The following PLD1 variants were observed in gnomAD, a reference collection of about 807,000 sequenced individuals.
PLD1 encodes choline phosphatase 1.
Under a neutral mutation model 137.1 loss-of-function variants are expected in PLD1, and 112 were observed. The ratio of observed to expected loss-of-function variants is 0.82; its 90% CI spans 0.70 to 0.96. The LOEUF (loss-of-function observed/expected upper bound fraction) is 0.96. PLD1 is among the 40% of genes least tolerant of loss of function. PLD1 has a pLI of 0.00. For missense variants in PLD1, 1,321 were observed against 1,342.0 expected, an observed-to-expected ratio of 0.98 and a Z score of 0.24; for synonymous variants, 431 against 454.7, an observed-to-expected ratio of 0.95 and a Z score of 0.66.
At chr3:171,740,078 T>G (rs527311903) in intron 1 of PLD1, among the ~76,000 whole-genome samples, 26 of 152,292 alleles carry the variant, frequency 1.7e-4, no homozygotes, top group African/African-American at 6.3e-4. Flanking sequence ...TTGAGCCATT[T>G]CATCTCTAGA....
At chr3:171,627,914 A>T (rs1734277212) in intron 23 of PLD1, among the ~76,000 whole-genome samples, 5 of 151,468 alleles carry the variant, frequency 3.3e-5, no homozygotes, top group Admixed American at 1.3e-4. Flanking sequence ...AGCAGGAAAG[A>T]TCCAAAATTG....
At chr3:171,727,324 A>G (rs930539204) in intron 6 of PLD1, among the ~76,000 whole-genome samples, 1 of 152,210 alleles carries the variant, frequency 6.6e-6, no homozygotes, top group African/African-American at 2.4e-5. Context: ...AGCGCCCTCA[A>G]AACCAAGCTG....
At chr3:171,753,114 C>A (rs1720776808) in intron 1 of PLD1, among the ~76,000 whole-genome samples, 1 of 152,186 alleles carries the variant, frequency 6.6e-6, no homozygotes, top group African/African-American at 2.4e-5. Flanking sequence ...GAAAGACAAC[C>A]AGATGGGCTG....
chr3:171,690,135 C>T (rs1180904555), intron 13 of PLD1, among the ~76,000 whole-genome samples: 3 of 152,114 alleles, frequency 2.0e-5, no homozygotes, highest in Admixed American at 6.6e-5. Flanking sequence ...GGAACTTGTA[C>T]ATTTCCTCTA....
intron 1 of PLD1, among the ~76,000 whole-genome samples, chr3:171,767,323 A>G (rs919027790): frequency 1.1e-4 from 17 of 152,298 alleles, no homozygotes; most frequent in Middle Eastern, 3.4e-3. Context: ...GGTTCTTGCC[A>G]CTGGTCACGA....
Position 171,612,484 on chromosome 3 carries a change from G to A in PLD1, c.2729-52C>T. 1 of 1,544,200 alleles carries A rather than the reference G, an allele frequency of 6.5e-7. No individual in the cohort carries two copies. Among genetic ancestry groups the A allele is most frequent in the Non-Finnish European group, 8.9e-7 (1 of 1,118,750 alleles). On this transcript the variant is annotated intron_variant, in intron 24 of 26. Coordinates refer to ENST00000351298, the MANE Select transcript of PLD1 (RefSeq NM_002662.5). The surrounding 1 kb of genome is among the most constrained non-coding windows in gnomAD (Gnocchi z 4.1). ...CAACCTTCCTGTTGTGGCAGACACT[G>A]TTGGTTGCCCTCCCAACTCAATTCA...
chr3:171,646,675 C>CAAAAAAAAAAAAAAA (rs77696811), intron 21 of PLD1, among the ~76,000 whole-genome samples: 6 of 89,474 alleles, frequency 6.7e-5, no homozygotes, highest in East Asian at 3.7e-4. Context: ...AAAGAACAGA[C>CAAAAAAAAAAAAAAA]AAAAAAAAAA....
chr3:171,796,146 G>C (rs900643135), intron 1 of PLD1, among the ~76,000 whole-genome samples: 1 of 152,152 alleles, frequency 6.6e-6, no homozygotes, highest in African/African-American at 2.4e-5. Context: ...AAGTATTTAC[G>C]ATGAGTGCAG....
In PLD1 at chr3:171,749,477, G is replaced by T. The variant is rs573828660; in HGVS notation, c.-31-11395C>A. 2.1e-3 allele frequency among the ~76,000 whole-genome samples: 317 copies of T among 152,248 alleles called. 1 individual carries two copies. The highest frequency in any genetic ancestry group is 7.4e-3 in the African/African-American group (306 of 41,518). The stretch of plus-strand genomic sequence containing the variant: ...GTGGTTAACTACAAAATGAAAAACT[G>T]TACATAAAAATTATCCAAGATCACA... On this transcript the variant is annotated intron_variant, in intron 1 of 26. Transcript: ENST00000351298.
At chr3:171,631,141 T>C (rs7620874) in intron 23 of PLD1, among the ~76,000 whole-genome samples, 75,922 of 151,994 alleles carry the variant, frequency 0.5, 19,815 homozygotes, top group African/African-American at 0.65. Flanking sequence ...AAGTTAACAA[T>C]GTAATCAAAC....
rs188156476 is a variant in PLD1 at position 171,769,624 on chromosome 3, G to A, written c.-31-31542C>T. 2.8e-3 allele frequency among the ~76,000 whole-genome samples: 421 copies of A among 152,278 alleles called. 3 individuals carry two copies. The highest frequency in any genetic ancestry group is 9.7e-3 in the African/African-American group (405 of 41,560). On this transcript the variant is annotated intron_variant, in intron 1 of 26. Transcript: ENST00000351298. ...AACACAGCTGTACAATTGTGCCTTA[G>A]GGGGTATAAAATACAGTCCACTTTG... is the stretch of plus-strand genomic sequence containing the variant.
At chr3:171,735,014 C>G in intron 4 of PLD1, 44 bp from the exon 5 acceptor site, 6 of 1,081,162 alleles carry the variant, frequency 5.5e-6, no homozygotes, top group Non-Finnish European at 8.5e-6. Flanking sequence ...CTAGATTATT[C>G]TGTGACTATG....
chr3:171,620,601 C>A, intron 23 of PLD1, 81 bp from the exon 24 acceptor site: 1 of 789,554 alleles, frequency 1.3e-6, no homozygotes, highest in Admixed American at 2.0e-5. Context: ...TTTCTCAAAA[C>A]ATACTACTTA....
intron 11 of PLD1, among the ~76,000 whole-genome samples, chr3:171,705,663 C>A (rs959123110): frequency 1.3e-4 from 20 of 152,162 alleles, no homozygotes; most frequent in Admixed American, 1.1e-3. Context: ...TAATAAAACA[C>A]TACTGTATAC....
At chr3:171,786,586 T>C (rs1006536321) in intron 1 of PLD1, among the ~76,000 whole-genome samples, 6 of 152,236 alleles carry the variant, frequency 3.9e-5, no homozygotes, top group African/African-American at 1.4e-4. Context: ...ATTTTTATCA[T>C]AATTGAATAC....
chr3:171,688,634 A>G, intron 14 of PLD1, 42 bp downstream of exon 14: 1 of 1,403,260 alleles, frequency 7.1e-7, no homozygotes, highest in Non-Finnish European at 1.0e-6. Context: ...TATACAAATT[A>G]TGTTCGTGTT....
At chr3:171,620,770 T>TATATATA (rs1560151152) in intron 23 of PLD1, among the ~76,000 whole-genome samples, 6 of 107,116 alleles carry the variant, frequency 5.6e-5, no homozygotes, top group African/African-American at 2.9e-4. Context: ...ATATATATAT[T>TATATATA]ATATATATTT....
intron 21 of PLD1, among the ~76,000 whole-genome samples, chr3:171,646,352 T>C (rs1001924965): frequency 6.6e-6 from 1 of 152,228 alleles, no homozygotes; most frequent in African/African-American, 2.4e-5. Flanking sequence ...TTTTCTTTCA[T>C]GTGAATATTA....
chr3:171,743,216 T>C (rs889109433), intron 1 of PLD1, among the ~76,000 whole-genome samples: 4 of 152,238 alleles, frequency 2.6e-5, no homozygotes, highest in African/African-American at 9.6e-5. Flanking sequence ...TGGTTGCTAG[T>C]GTCATCTTTA....
Sources: gnomAD v4.1 joint callset for allele counts (sites outside exome capture counted in the v4.1 genomes callset) on GRCh38, gnomAD v4.1.1 for gene constraint, Gnocchi (gnomAD v3.1) non-coding constraint, MANE v1.5 for transcripts, NCBI Gene and HGNC (gene_info 2026-07-23, HGNC 2026-07-21) for gene names.